The following PXDN variants were observed in gnomAD, a reference collection of about 807,000 sequenced individuals.
PXDN encodes peroxidasin, also known as peroxidasin homolog.
In PXDN, 77 loss-of-function variants were observed where a neutral mutation model predicts 140.3. That is an observed-to-expected ratio of 0.55 (90% CI 0.46 to 0.66). PXDN has a LOEUF of 0.66. Ranked by LOEUF, PXDN falls within the 30% of genes least tolerant of loss-of-function variation. The probability of loss-of-function intolerance (pLI) is 0.00; values close to 1 mark genes in which losing one functional copy is unlikely to be tolerated. For missense variants in PXDN, 1,838 were observed against 2,039.5 expected, an observed-to-expected ratio of 0.90 and a Z score of 1.90; for synonymous variants, 911 against 857.4, an observed-to-expected ratio of 1.06 and a Z score of -1.09.
At chr2:1,695,267 G>C (rs1245504544) in intron 1 of PXDN, among the ~76,000 whole-genome samples, 1 of 152,234 alleles carries the variant, frequency 6.6e-6, no homozygotes, top group Non-Finnish European at 1.5e-5. Flanking sequence ...AAAACCTCTA[G>C]AGTGAAGGAC....
intron 1 of PXDN, among the ~76,000 whole-genome samples, chr2:1,713,024 C>A (rs1684819768): frequency 6.6e-6 from 1 of 152,094 alleles, no homozygotes; most frequent in African/African-American, 2.4e-5. Flanking sequence ...TGTGTCCGGC[C>A]GTTTTGGAGT....
In PXDN at chr2:1,648,359, C is replaced by T; in HGVS notation, c.3421G>A (p.Glu1141Lys). The change falls in exon 17 of 23, where the codon GAG (glutamate) becomes AAG (lysine). Residue 1141 changes from glutamate to lysine, a missense_variant. Transcript: ENST00000252804. The surrounding 1 kb of genome is among the most constrained non-coding windows in gnomAD (Gnocchi z 8.9). ...PSQLLNTELT[E>K]RLFSMAHTVA... ...GTGTGTGCCATGGAGAACAGCCGCTCCGTGAGCTCCGTGTTCAGCAGCTGC... is the reference window on the plus strand; with the variant it reads ...GTGTGTGCCATGGAGAACAGCCGCTTCGTGAGCTCCGTGTTCAGCAGCTGC... 6.2e-7 allele frequency: 1 copy of T among 1,613,578 alleles called. No homozygotes were observed.
intron 1 of PXDN, among the ~76,000 whole-genome samples, chr2:1,711,857 A>G (rs563710880): frequency 6.8e-6 from 1 of 148,136 alleles, no homozygotes; most frequent in South Asian, 2.2e-4. Context: ...CCCTATAAAT[A>G]GGGGCCTGGA....
rs201592851 is a variant in PXDN, at chr2:1,666,393, G to A, written c.1112C>T (p.Pro371Leu). The change falls in exon 10 of 23, where the codon CCG becomes CTG. Residue 371 changes from proline to leucine, a missense_variant. Physicochemically the swap from Pro to Leu is moderately conservative, Grantham distance 98 (BLOSUM62 -3). This residue lies in a region of PXDN where 208 missense variants were observed against 325.8 expected (regional missense o/e 0.64). Transcript: ENST00000252804. ...LECSATGHPP[P>L]RISWTRGDRT... ...GTCACCTCTCGTCCAGGAGATCCGC[G>A]GCGGGGGGTGGCCTGTGGCGCTGCA... The A allele has an allele frequency of 1.9e-4, 314 of 1,613,590 alleles. 1 individual carries two copies. The African/African-American group carries it at 3.4e-3, about 17-fold the overall frequency.
rs1685637880 is a variant in PXDN at position 1,744,315 on chromosome 2, C to T, written c.141G>A (p.Val47=). The change falls in exon 1 of 23, where the codon GTG becomes GTA. Residue 47 remains valine (V), a synonymous_variant. Coordinates refer to ENST00000252804, the MANE Select transcript of PXDN (RefSeq NM_012293.3). Reference sequence around the variant, plus strand: ...CCTCCAGCAGCAGATGCATGCAGCGCACGGTGGTGCGGAAGCACAGGCAGC... The same window carrying T: ...CCTCCAGCAGCAGATGCATGCAGCGTACGGTGGTGCGGAAGCACAGGCAGC... ...PSRCLCFRTT[V]RCMHLLLEAV... The T allele has an allele frequency of 2.0e-6, 3 of 1,528,586 alleles. No homozygotes were observed. The highest frequency in any genetic ancestry group is 2.5e-5 in the East Asian group (1 of 40,198). 94.7% of individuals were successfully genotyped at this position (1,528,586 alleles called of 1,614,324 possible).
intron 22 of PXDN, among the ~76,000 whole-genome samples, 165 bp from the exon 23 acceptor site, chr2:1,634,488 T>G (rs1306228402): frequency 6.6e-6 from 1 of 152,176 alleles, no homozygotes; most frequent in African/African-American, 2.4e-5. Context: ...GATTTTGTGG[T>G]TCTCTTAGGA....
At chr2:1,729,762 CAG>C (rs1167127019) in intron 1 of PXDN, among the ~76,000 whole-genome samples, 2 of 152,146 alleles carry the variant, frequency 1.3e-5, no homozygotes, top group Non-Finnish European at 2.9e-5. Flanking sequence ...ACAATCTAGA[CAG>C]ACACACACAA....
chr2:1,641,360 G>A (rs928149103), intron 19 of PXDN, among the ~76,000 whole-genome samples: 4 of 152,084 alleles, frequency 2.6e-5, no homozygotes, highest in East Asian at 1.9e-4. Context: ...ACGTTGGCCA[G>A]GCTAGTCTCG....
chr2:1,662,330 C>T, intron 12 of PXDN, 146 bp from the exon 13 acceptor site: 1 of 726,912 alleles, frequency 1.4e-6, no homozygotes, highest in Non-Finnish European at 2.4e-6. Flanking sequence ...TTCTCTGCCT[C>T]CCAGCAGCCT....
chr2:1,637,965 C>T (rs1369211907), intron 21 of PXDN, among the ~76,000 whole-genome samples: 1 of 151,540 alleles, frequency 6.6e-6, no homozygotes, highest in African/African-American at 2.4e-5. Context: ...GGTCTCAAGG[C>T]TGCAGAGGCA....
intron 3 of PXDN, among the ~76,000 whole-genome samples, chr2:1,691,650 T>C (rs1684185756): frequency 6.6e-6 from 1 of 152,156 alleles, no homozygotes; most frequent in Admixed American, 6.5e-5. Context: ...TCACCATCAT[T>C]TCCAGAGCGA....
rs1682434744 is a variant in PXDN at position 1,632,464 on chromosome 2, C to T, written c.*1740G>A. ...TTGACTTGCTATTTCAAAAGAAGTC[C>T]ACATGTCATGAAACACCAACCAATT... On this transcript the variant is annotated 3_prime_UTR_variant, in exon 23 of 23. Coordinates refer to ENST00000252804, the MANE Select transcript of PXDN (RefSeq NM_012293.3). The surrounding 1 kb of genome is among the most constrained non-coding windows in gnomAD (Gnocchi z 4.3). 6.6e-6 allele frequency: 1 copy of T among 152,202 alleles called. No individual in the cohort carries two copies. The highest frequency in any genetic ancestry group is 2.4e-5 in the African/African-American group (1 of 41,444). The allele number at this position is 152,202 out of a possible 1,614,324, so 9.4% of individuals were successfully genotyped here.
chr2:1,702,333 G>A (rs1051728996), intron 1 of PXDN, among the ~76,000 whole-genome samples: 7 of 152,144 alleles, frequency 4.6e-5, no homozygotes, highest in South Asian at 2.1e-4. Context: ...CCCTGTCACC[G>A]AGGCTTCCTC....
chr2:1,706,923 A>G (rs1211862752), intron 1 of PXDN, among the ~76,000 whole-genome samples: 2 of 141,996 alleles, frequency 1.4e-5, no homozygotes, highest in African/African-American at 2.6e-5. Flanking sequence ...ACTGTTCACC[A>G]ATCAGCTCTA....
intron 1 of PXDN, among the ~76,000 whole-genome samples, chr2:1,743,242 C>G (rs1399135405): frequency 6.6e-6 from 1 of 152,294 alleles, no homozygotes; most frequent in African/African-American, 2.4e-5. Context: ...GACAGGGTGT[C>G]AACCCCAACG....
chr2:1,671,038 A>C (rs1343835913), intron 9 of PXDN, among the ~76,000 whole-genome samples: 1 of 152,212 alleles, frequency 6.6e-6, no homozygotes, highest in African/African-American at 2.4e-5. Context: ...AACCACATGG[A>C]TGCATCCAGA....
intron 3 of PXDN, 73 bp downstream of exon 3, chr2:1,691,855 C>A (rs1255864767): frequency 2.1e-6 from 2 of 971,092 alleles, no homozygotes; most frequent in Non-Finnish European, 3.0e-6. Context: ...ATAAGCAGCA[C>A]GAAATTTAGC....
At chr2:1,693,866 G>A (rs982054625) in intron 1 of PXDN, among the ~76,000 whole-genome samples, 3 of 152,190 alleles carry the variant, frequency 2.0e-5, no homozygotes, top group Non-Finnish European at 2.9e-5. Context: ...CTAATCTGAT[G>A]CTCAGGCAGA....
At chr2:1,644,811 C>G (rs1682814680) in intron 17 of PXDN, 59 bp from the exon 18 acceptor site, 6 of 1,335,216 alleles carry the variant, frequency 4.5e-6, no homozygotes, top group Admixed American at 3.3e-5. Flanking sequence ...GTAAAAAATA[C>G]AGCAAATATA....
Sources: gnomAD v4.1 joint callset for allele counts (sites outside exome capture counted in the v4.1 genomes callset) on GRCh38, gnomAD v4.1.1 for gene constraint, gnomAD v4.1.1 regional missense constraint, Gnocchi (gnomAD v3.1) non-coding constraint, MANE v1.5 for transcripts, NCBI Gene and HGNC (gene_info 2026-07-23, HGNC 2026-07-21) for gene names.